Variants in PLCB4 observed in about 807,000 individuals in gnomAD.
PLCB4 encodes the protein phospholipase C beta 4, also known as 1-phosphatidylinositol 4,5-bisphosphate phosphodiesterase beta-4.
Under a neutral mutation model 178.8 loss-of-function variants are expected in PLCB4, and 77 were observed. That is an observed-to-expected ratio of 0.43 (90% CI 0.36 to 0.52). PLCB4 has a LOEUF of 0.52. Among genes scored for constraint, PLCB4 ranks in the 20% least tolerant of loss-of-function variants. The pLI, the probability that PLCB4 is intolerant of heterozygous loss-of-function variation, is 0.00. For synonymous variants in PLCB4, 496 were observed against 490.8 expected (o/e 1.01, Z -0.14); for missense variants, 1,024 against 1,453.4 (o/e 0.70, Z 4.80).
intron 2 of PLCB4, among the ~76,000 whole-genome samples, chr20:9,162,840 T>G (rs2092910707): frequency 6.6e-6 from 1 of 152,206 alleles, no homozygotes; most frequent in Admixed American, 6.5e-5. Context: ...GTAAAAATGT[T>G]TATAGTCTTA....
At chr20:9,333,646 A>G (rs1332240043) in intron 4 of PLCB4, among the ~76,000 whole-genome samples, 1 of 152,186 alleles carries the variant, frequency 6.6e-6, no homozygotes, top group Admixed American at 6.6e-5. Context: ...CAAAGTTTAA[A>G]GAATCAATCT....
chr20:9,461,356 G>A (rs1281356290), intron 35 of PLCB4, among the ~76,000 whole-genome samples: 1 of 152,208 alleles, frequency 6.6e-6, no homozygotes, highest in African/African-American at 2.4e-5. Flanking sequence ...GAAGATGGGT[G>A]ATTTCTGCAT....
intron 25 of PLCB4, among the ~76,000 whole-genome samples, chr20:9,418,998 A>G (rs1213654565): frequency 3.3e-5 from 5 of 151,982 alleles, no homozygotes; most frequent in East Asian, 1.9e-4. Flanking sequence ...TTGACTTTTT[A>G]TATGTTTATC....
At chr20:9,133,786 G>T in intron 2 of PLCB4, among the ~76,000 whole-genome samples, 1 of 152,202 alleles carries the variant, frequency 6.6e-6, no homozygotes, top group South Asian at 2.1e-4. Flanking sequence ...ACTGTGGACA[G>T]CAGCTCTCCC....
chr20:9,365,894 G>A (rs2035736794), intron 9 of PLCB4, among the ~76,000 whole-genome samples: 1 of 152,164 alleles, frequency 6.6e-6, no homozygotes, highest in South Asian at 2.1e-4. Flanking sequence ...GAAGGGTGTG[G>A]ACCGTGTCTT....
At chr20:9,085,748 C>A (rs541615367) in intron 1 of PLCB4, among the ~76,000 whole-genome samples, 7 of 152,122 alleles carry the variant, frequency 4.6e-5, no homozygotes, top group Non-Finnish European at 1.0e-4. Context: ...GAAAGACCAG[C>A]GTGATTGTAA....
chr20:9,220,882 T>A (rs1334796764), intron 3 of PLCB4, among the ~76,000 whole-genome samples: 1 of 152,192 alleles, frequency 6.6e-6, no homozygotes, highest in Admixed American at 6.5e-5. Flanking sequence ...TCCTTCTTAT[T>A]ACCCTGTAAA....
intron 2 of PLCB4, among the ~76,000 whole-genome samples, chr20:9,140,604 C>T (rs2092469453): frequency 6.6e-6 from 1 of 151,754 alleles, no homozygotes; most frequent in Admixed American, 6.6e-5. Flanking sequence ...TCTCGGTGCC[C>T]TCCCCGTAGT....
intron 2 of PLCB4, among the ~76,000 whole-genome samples, chr20:9,179,599 G>A (rs889120546): frequency 2.0e-5 from 3 of 152,134 alleles, no homozygotes; most frequent in Admixed American, 6.6e-5. Flanking sequence ...AATAGAAAAC[G>A]AATACAGCAG....
intron 13 of PLCB4, among the ~76,000 whole-genome samples, chr20:9,382,920 A>G (rs1390074486): frequency 6.6e-6 from 1 of 152,232 alleles, no homozygotes; most frequent in African/African-American, 2.4e-5. Flanking sequence ...AAAGAGGTAT[A>G]CAAATTTCTA....
intron 2 of PLCB4, among the ~76,000 whole-genome samples, chr20:9,147,915 A>C (rs1350678486): frequency 6.6e-6 from 1 of 152,128 alleles, no homozygotes; most frequent in East Asian, 1.9e-4. Context: ...TAGAAATTGC[A>C]GGATGAGATT....
intron 2 of PLCB4, among the ~76,000 whole-genome samples, chr20:9,106,930 TG>T (rs2146665407): frequency 6.6e-6 from 1 of 152,302 alleles, no homozygotes; most frequent in South Asian, 2.1e-4. Flanking sequence ...TAAATAGTTA[TG>T]GTAGTCAGAC....
chr20:9,431,299 G>T (rs930681867), intron 28 of PLCB4, among the ~76,000 whole-genome samples: 2 of 151,794 alleles, frequency 1.3e-5, no homozygotes, highest in African/African-American at 4.8e-5. Context: ...ACTAGTGATT[G>T]GATTTAGGGC....
chr20:9,151,595 C>T (rs955101221), intron 2 of PLCB4, among the ~76,000 whole-genome samples: 16 of 152,108 alleles, frequency 1.1e-4, no homozygotes, highest in Admixed American at 3.3e-4. Flanking sequence ...TTCAGCCTCC[C>T]GCCATGATTC....
chr20:9,369,403 A>C (rs2036052247), intron 9 of PLCB4, among the ~76,000 whole-genome samples: 1 of 152,170 alleles, frequency 6.6e-6, no homozygotes, highest in South Asian at 2.1e-4. Context: ...CTTTCCCCTA[A>C]ATTAAAAAGG....
At chr20:9,418,188 A>G (rs2040384798) in intron 25 of PLCB4, among the ~76,000 whole-genome samples, 1 of 152,156 alleles carries the variant, frequency 6.6e-6, no homozygotes. Flanking sequence ...CCAGTGTATC[A>G]TTGCATGTGC....
intron 1 of PLCB4, among the ~76,000 whole-genome samples, chr20:9,085,694 C>G (rs1214739440): frequency 1.3e-5 from 2 of 152,186 alleles, no homozygotes; most frequent in Non-Finnish European, 2.9e-5. Context: ...TTGACCTTGA[C>G]TGTAACCTTG....
At chr20:9,424,887 G>C (rs1013638960) in intron 28 of PLCB4, among the ~76,000 whole-genome samples, 4 of 152,132 alleles carry the variant, frequency 2.6e-5, no homozygotes, top group African/African-American at 9.7e-5. Context: ...TAATTTTGCT[G>C]TTTGTTTTTA....
intron 1 of PLCB4, among the ~76,000 whole-genome samples, chr20:9,092,385 T>G (rs1012267267): frequency 1.3e-5 from 2 of 152,132 alleles, no homozygotes; most frequent in Admixed American, 1.3e-4. Context: ...TTTGATTCTC[T>G]CTGAAGCCTG....
Sources: gnomAD v4.1 joint callset for allele counts (sites outside exome capture counted in the v4.1 genomes callset) on GRCh38, gnomAD v4.1.1 for gene constraint, MANE v1.5 for transcripts, NCBI Gene and HGNC (gene_info 2026-07-23, HGNC 2026-07-21) for gene names.